Variants in NAA60 observed in about 807,000 individuals in gnomAD.
NAA60 encodes N-alpha-acetyltransferase 60, NatF catalytic subunit.
In NAA60, 8 loss-of-function variants were observed where a neutral mutation model predicts 26.1. The ratio of observed to expected loss-of-function variants is 0.31; its 90% CI spans 0.18 to 0.55. The LOEUF is 0.55. Ranked by LOEUF, NAA60 falls within the 20% of genes least tolerant of loss-of-function variation. NAA60 has a pLI of 0.93. For missense variants in NAA60, 290 were observed against 311.3 expected, an observed-to-expected ratio of 0.93 and a Z score of 0.51; for synonymous variants, 131 against 122.5, an observed-to-expected ratio of 1.07 and a Z score of -0.46.
chr16:3,468,855 C>T (rs1427153290), intron 2 of NAA60, among the ~76,000 whole-genome samples: 1 of 152,178 alleles, frequency 6.6e-6, no homozygotes, highest in East Asian at 1.9e-4. Context: ...GCAGGTGGAT[C>T]ACGAGGTTAG....
intron 2 of NAA60, chr16:3,468,046 C>G (rs563258988): frequency 6.6e-6 from 1 of 152,136 alleles, no homozygotes; most frequent in East Asian, 1.9e-4. Flanking sequence ...AAGTGACCTG[C>G]GATCAGTCTG....
At chr16:3,443,634 G>A (rs996268140), upstream of NAA60, 8 of 1,024,728 alleles carry the variant, frequency 7.8e-6, no homozygotes, top group African/African-American at 1.1e-4. Flanking sequence ...TAGCCACTGG[G>A]CAGCTGCGAG....
intron 4 of NAA60, among the ~76,000 whole-genome samples, chr16:3,480,674 T>TTGGGAGGCCCGGG (rs60536105): frequency 6.7e-5 from 10 of 149,296 alleles, no homozygotes; most frequent in African/African-American, 2.2e-4. Context: ...CCCCGGCATT[T>TTGGGAGGCCCGGG]TGGGCAGATC....
chr16:3,466,455 G>A (rs562917708), intron 2 of NAA60, among the ~76,000 whole-genome samples: 4 of 152,344 alleles, frequency 2.6e-5, no homozygotes, highest in South Asian at 2.1e-4. Context: ...GCCATGCGCA[G>A]TGTTAGCTGC....
rs541354064 is a variant in NAA60, at chr16:3,480,450, A to ATAAT, written c.240+850_240+851insTAAT. 1.3e-3 allele frequency among the ~76,000 whole-genome samples: 196 copies of ATAAT among 151,786 alleles called. 2 individuals carry two copies. The highest frequency in any genetic ancestry group is 4.4e-3 in the African/African-American group (182 of 41,360). On this transcript the variant is annotated intron_variant, in intron 4 of 7. Coordinates refer to ENST00000407558, the MANE Select transcript of NAA60 (RefSeq NM_001083601.3). ...CATCTCTACTAAAAATACAAAAATTAGCCGGGCGTGGTGGCAGGCGCCTAT... is the reference window on the plus strand; with the variant it reads ...CATCTCTACTAAAAATACAAAAATTATAATGCCGGGCGTGGTGGCAGGCGCCTAT...
chr16:3,447,535 T>C, intron 1 of NAA60: 1 of 985,460 alleles, frequency 1.0e-6, no homozygotes, highest in Non-Finnish European at 1.2e-6. Context: ...CTCTGGTTCT[T>C]ACCGCCTTTA....
At chr16:3,448,000 C>A (rs1032195238) in intron 1 of NAA60, among the ~76,000 whole-genome samples, 2 of 152,116 alleles carry the variant, frequency 1.3e-5, no homozygotes, top group Non-Finnish European at 2.9e-5. Context: ...GAGAAAGATT[C>A]TTGACCTACT....
At chr16:3,458,273 G>A (rs1596300314) in intron 2 of NAA60, 1 of 838,688 alleles carries the variant, frequency 1.2e-6, no homozygotes, top group Non-Finnish European at 1.4e-6. Flanking sequence ...GGGGTCAGGG[G>A]GGCCAGCGCC....
intron 3 of NAA60, among the ~76,000 whole-genome samples, 191 bp from the exon 4 acceptor site, chr16:3,479,280 T>C (rs570234336): frequency 1.3e-5 from 2 of 152,308 alleles, no homozygotes; most frequent in South Asian, 2.1e-4. Flanking sequence ...CAGTCCTGTC[T>C]AGACAGATCA....
chr16:3,484,837 G>A lies in NAA60; in HGVS notation c.711G>A (p.Glu237=), dbSNP rs2037070362. The change falls in exon 7 of 8, where the codon GAG becomes GAA. Residue 237 remains glutamate (E), a synonymous_variant. Transcript: ENST00000407558. ...WSGISSKSGI[E]YSRTM ...GCATCTCTTCCAAGAGTGGCATCGA[G>A]TACAGCCGGACCATGTGATGTCGGC... 1 of 1,564,384 alleles carries A rather than the reference G, an allele frequency of 6.4e-7. No individual in the cohort carries two copies. Among genetic ancestry groups the A allele is most frequent in the Admixed American group, 1.9e-5 (1 of 52,758 alleles).
chr16:3,485,685 T>G lies in NAA60; in HGVS notation c.*425T>G. On this transcript the variant is annotated 3_prime_UTR_variant, in exon 8 of 8. Coordinates refer to ENST00000407558, the MANE Select transcript of NAA60 (RefSeq NM_001083601.3). ...CTGCAAGGGAGGAACGCAAGTATTA[T>G]GGACACACTTGACCGTAAAGGCACA... 1 of 456,650 alleles carries G rather than the reference T, an allele frequency of 2.2e-6. No homozygotes were observed. The highest frequency in any genetic ancestry group is 1.5e-5 in the South Asian group (1 of 64,576). 28.3% of individuals were successfully genotyped at this position (456,650 alleles called of 1,614,324 possible). A position where few individuals can be genotyped will look rare whatever the true frequency, so the allele number is the denominator to read the frequency against.
rs144943514 is a variant in NAA60, at chr16:3,479,705, A to G, written c.240+105A>G. ...CCTGCTCCACAGCCGTCGTCCAAGG[A>G]GCCTGTGACCCAAGGAATCCAAGTG... On this transcript the variant is annotated intron_variant, in intron 4 of 7. Transcript: ENST00000407558. 3.0e-4 allele frequency: 417 copies of G among 1,368,096 alleles called. No individual in the cohort carries two copies. The African/African-American group carries it at 5.1e-3, about 17-fold the overall frequency. The allele number at this position is 1,368,096 out of a possible 1,614,324, so 84.7% of individuals were successfully genotyped here.
At position 3,462,086 on chromosome 16, in the gene NAA60, C is replaced by CAAAAAAAAA. The variant is rs1228233879; in HGVS notation, c.-7+13557_-7+13565dup. Among the ~76,000 whole-genome samples, 253 of 76,760 alleles carry CAAAAAAAAA rather than the reference C, an allele frequency of 3.3e-3. 11 individuals carry two copies. Among genetic ancestry groups the CAAAAAAAAA allele is most frequent in the African/African-American group, 8.6e-3 (164 of 18,964 alleles). The allele number at this position is 76,760 out of a possible 152,430, so 50.4% of individuals were successfully genotyped here. A position where few individuals can be genotyped will look rare whatever the true frequency, so the allele number is the denominator to read the frequency against. ...GGAGTGATAGAGCCAGACCTTATATCAAAAAAAAAAAAAAAAAAACCTTTC... is the reference window on the plus strand; with the variant it reads ...GGAGTGATAGAGCCAGACCTTATATCAAAAAAAAAAAAAAAAAAAAAAAAAAAACCTTTC... On this transcript the variant is annotated intron_variant, in intron 2 of 7. Coordinates refer to ENST00000407558, the MANE Select transcript of NAA60 (RefSeq NM_001083601.3).
Position 3,443,857 on chromosome 16 carries a change from C to T in NAA60, c.-77+20C>T. 6.5e-7 allele frequency: 1 copy of T among 1,528,586 alleles called. No homozygotes were observed. Among genetic ancestry groups the T allele is most frequent in the Non-Finnish European group, 8.7e-7 (1 of 1,143,278 alleles). The allele number at this position is 1,528,586 out of a possible 1,614,324, so 94.7% of individuals were successfully genotyped here. ...CAAAATGTGGGTTCGGCCAACAGTGCCCTGTAGGCCTGAAATTTCGGTCTG... is the reference window on the plus strand; with the variant it reads ...CAAAATGTGGGTTCGGCCAACAGTGTCCTGTAGGCCTGAAATTTCGGTCTG... On this transcript the variant is annotated intron_variant, in intron 1 of 7. Transcript: ENST00000407558.
At chr16:3,483,289 AG>A in intron 5 of NAA60, 73 bp from the exon 6 acceptor site, 1 of 1,103,602 alleles carries the variant, frequency 9.1e-7, no homozygotes, top group Non-Finnish European at 1.3e-6. Flanking sequence ...ACTCATGCAA[AG>A]CCCCCATCCT....
At chr16:3,483,088 C>G (rs1029107015) in intron 5 of NAA60, among the ~76,000 whole-genome samples, 1 of 152,360 alleles carries the variant, frequency 6.6e-6, no homozygotes, top group Middle Eastern at 3.4e-3. Flanking sequence ...CACATTTACC[C>G]TGTTTGTTGT....
intron 2 of NAA60, among the ~76,000 whole-genome samples, chr16:3,452,830 C>G (rs1048247833): frequency 6.6e-6 from 1 of 151,822 alleles, no homozygotes; most frequent in Admixed American, 6.6e-5. Context: ...TGGTACGTGC[C>G]TGTAGTCCCA....
At chr16:3,463,525 C>G (rs561564586) in intron 2 of NAA60, among the ~76,000 whole-genome samples, 5 of 146,382 alleles carry the variant, frequency 3.4e-5, no homozygotes, top group Non-Finnish European at 7.4e-5. Flanking sequence ...GCACTCCAGC[C>G]TGAGTGACAG....
At chr16:3,456,654 C>T (rs1263777551) in intron 2 of NAA60, 1 of 152,148 alleles carries the variant, frequency 6.6e-6, no homozygotes, top group African/African-American at 2.4e-5. Flanking sequence ...AAATAAAAGC[C>T]TAGCTTGACA....
Sources: allele counts gnomAD v4.1 joint callset (sites outside exome capture counted in the v4.1 genomes callset), GRCh38; gene constraint gnomAD v4.1.1; transcripts MANE v1.5; gene names NCBI Gene and HGNC (gene_info 2026-07-23, HGNC 2026-07-21).